The following MRTFA variants were observed in gnomAD, a reference collection of about 807,000 sequenced individuals.
MRTFA encodes myocardin-related transcription factor A.
A neutral mutation model predicts 83.5 loss-of-function variants in MRTFA; 20 were observed. The observed-to-expected ratio is 0.24, with a 90% CI of 0.17 to 0.35. MRTFA has a LOEUF of 0.35. MRTFA is among the 10% of genes least tolerant of loss of function. MRTFA has a pLI of 1.00. For missense variants in MRTFA, 1,200 were observed against 1,224.7 expected, an observed-to-expected ratio of 0.98 and a Z score of 0.30; for synonymous variants, 659 against 541.2, an observed-to-expected ratio of 1.22 and a Z score of -3.02.
chr22:40,562,867 T>C (rs977186188), intron 2 of MRTFA, among the ~76,000 whole-genome samples: 4 of 152,068 alleles, frequency 2.6e-5, no homozygotes, highest in African/African-American at 4.8e-5. Flanking sequence ...TAGGTATCTA[T>C]AGAGTTCTCA....
intron 1 of MRTFA, among the ~76,000 whole-genome samples, chr22:40,609,121 T>G (rs1338705009): frequency 6.6e-6 from 1 of 151,900 alleles, no homozygotes; most frequent in Non-Finnish European, 1.5e-5. Flanking sequence ...TGAAACCCCA[T>G]TTCTACTAAA....
At chr22:40,578,674 C>G (rs1269882274) in intron 2 of MRTFA, among the ~76,000 whole-genome samples, 1 of 152,096 alleles carries the variant, frequency 6.6e-6, no homozygotes, top group African/African-American at 2.4e-5. Context: ...GTAATCCTAA[C>G]ACTTTGGGAG....
At chr22:40,446,000 C>A (rs1188254267) in intron 4 of MRTFA, among the ~76,000 whole-genome samples, 1 of 152,152 alleles carries the variant, frequency 6.6e-6, no homozygotes, top group Non-Finnish European at 1.5e-5. Context: ...AAATTTGCTT[C>A]CTCATGATTA....
intron 2 of MRTFA, among the ~76,000 whole-genome samples, chr22:40,573,970 G>A (rs937197286): frequency 4.6e-5 from 7 of 151,632 alleles, no homozygotes; most frequent in East Asian, 3.9e-4. Context: ...GGCTGGTCTC[G>A]AATTCATGGG....
At position 40,445,211 on chromosome 22, in the gene MRTFA, T is replaced by C. The variant is rs530293815; in HGVS notation, c.308-9657A>G. 7.2e-5 allele frequency among the ~76,000 whole-genome samples: 11 copies of C among 152,262 alleles called. No individual in the cohort carries two copies. The South Asian group carries it at 2.3e-3, about 32-fold the overall frequency. The stretch of plus-strand genomic sequence containing the variant: ...CCTACAGAAACACTGAAAGAACAAA[T>C]AATGAACAGCTTTATAACTCTGACC... On this transcript the variant is annotated intron_variant, in intron 4 of 14. Transcript: ENST00000355630.
chr22:40,605,245 C>T (rs2056306238), intron 1 of MRTFA, among the ~76,000 whole-genome samples: 1 of 152,096 alleles, frequency 6.6e-6, no homozygotes, highest in South Asian at 2.1e-4. Context: ...TATAATCTAA[C>T]AGCACAGGAA....
chr22:40,556,548 A>G (rs950954328), intron 2 of MRTFA, among the ~76,000 whole-genome samples: 2 of 152,208 alleles, frequency 1.3e-5, no homozygotes, highest in Non-Finnish European at 2.9e-5. Flanking sequence ...TGAACTCAGT[A>G]TTAGGAACTC....
At chr22:40,561,310 T>C (rs1787965607) in intron 2 of MRTFA, among the ~76,000 whole-genome samples, 2 of 151,836 alleles carry the variant, frequency 1.3e-5, no homozygotes, top group South Asian at 4.2e-4. Context: ...TACTAGGTAC[T>C]GCCCTACGTC....
At chr22:40,580,867 C>T (rs1602457164) in intron 2 of MRTFA, among the ~76,000 whole-genome samples, 1 of 152,192 alleles carries the variant, frequency 6.6e-6, no homozygotes, top group Admixed American at 6.6e-5. Flanking sequence ...CCCGTCTCAT[C>T]CTTTCATCTC....
chr22:40,506,639 C>G (rs903418645), intron 3 of MRTFA, among the ~76,000 whole-genome samples: 7 of 152,192 alleles, frequency 4.6e-5, no homozygotes, highest in Non-Finnish European at 1.5e-5. Context: ...GAATCTTAGG[C>G]AAATAATAAT....
Position 40,417,433 on chromosome 22 carries a change from G to A in MRTFA, c.2425C>T (p.Pro809Ser). The change falls in exon 13 of 15, where the codon CCA (proline) becomes TCA (serine). Residue 809 changes from proline (P) to serine (S), a missense_variant. This residue lies in a region of MRTFA where 1,107 missense variants were observed against 1,041.8 expected (regional missense o/e 1.06). Coordinates refer to ENST00000355630, the MANE Select transcript of MRTFA (RefSeq NM_020831.6). ...GGGGTCCCAAAGAGGGGCTGCAGTG[G>A]GTGCTCCAGGTCCATCTGGGCAGAG... The A allele has an allele frequency of 6.2e-7, 1 of 1,607,280 alleles. No individual in the cohort carries two copies. Among genetic ancestry groups the A allele is most frequent in the Non-Finnish European group, 8.5e-7 (1 of 1,177,862 alleles).
At chr22:40,417,549 G>C in intron 12 of MRTFA, 56 bp from the exon 13 acceptor site, 1 of 316,500 alleles carries the variant, frequency 3.2e-6, no homozygotes, top group Non-Finnish European at 5.9e-6. Context: ...GTGCAGACCT[G>C]CCTTGTAGGG....
chr22:40,418,991 G>A lies in MRTFA; in HGVS notation c.1747C>T (p.Pro583Ser), dbSNP rs2052760890. ...GCCTGCAGGGTCAGCTGCGTCAGAG[G>A]TGATGTCACCATCTCACCAAAGGTG... Residue 583 changes from proline to serine, a missense_variant, in exon 12 of 15, where the codon CCT becomes TCT. This residue lies in a region of MRTFA where 1,107 missense variants were observed against 1,041.8 expected (regional missense o/e 1.06). Coordinates refer to ENST00000355630, the MANE Select transcript of MRTFA (RefSeq NM_020831.6). 1 of 1,612,892 alleles carries A rather than the reference G, an allele frequency of 6.2e-7. No individual in the cohort carries two copies. Among genetic ancestry groups the A allele is most frequent in the Non-Finnish European group, 8.5e-7 (1 of 1,179,932 alleles).
rs191804354 is a variant in MRTFA, at chr22:40,485,028, C to A, written c.242-21742G>T. 8.8e-4 allele frequency among the ~76,000 whole-genome samples: 133 copies of A among 151,024 alleles called. 1 individual carries two copies. The Middle Eastern group carries it at 0.021, about 23-fold the overall frequency. ...AGGAGGTTGCAGTGAGAGGAGATTG[C>A]GCCACTGCACTCCAGCCTGGCAACA... On this transcript the variant is annotated intron_variant, in intron 3 of 14. Transcript: ENST00000355630.
At chr22:40,413,739 A>G (rs984080143) in intron 14 of MRTFA, among the ~76,000 whole-genome samples, 3 of 152,200 alleles carry the variant, frequency 2.0e-5, no homozygotes, top group Non-Finnish European at 4.4e-5. Flanking sequence ...TACCACGCCC[A>G]GCCGATTTAT....
At chr22:40,500,404 TA>T (rs1044512597) in intron 3 of MRTFA, among the ~76,000 whole-genome samples, 4 of 149,830 alleles carry the variant, frequency 2.7e-5, no homozygotes, top group Non-Finnish European at 3.0e-5. Flanking sequence ...TTTTTTAATT[TA>T]TTTTTTTATT....
At chr22:40,448,537 G>A (rs1317112842) in intron 4 of MRTFA, among the ~76,000 whole-genome samples, 2 of 152,206 alleles carry the variant, frequency 1.3e-5, no homozygotes, top group Admixed American at 1.3e-4. Context: ...ACAGACAACA[G>A]TGATTTTAAT....
chr22:40,481,710 G>A (rs1159479533), intron 3 of MRTFA, among the ~76,000 whole-genome samples: 1 of 152,084 alleles, frequency 6.6e-6, no homozygotes, highest in Non-Finnish European at 1.5e-5. Context: ...ATAAGAAATT[G>A]CAAGTGCAAA....
intron 3 of MRTFA, among the ~76,000 whole-genome samples, chr22:40,475,831 G>GAT (rs2053985661): frequency 6.6e-6 from 1 of 152,214 alleles, no homozygotes; most frequent in Non-Finnish European, 1.5e-5. Flanking sequence ...TTCTATGCAA[G>GAT]ATAGCACTAG....
Sources: gnomAD v4.1 joint callset for allele counts (sites outside exome capture counted in the v4.1 genomes callset) on GRCh38, gnomAD v4.1.1 for gene constraint, gnomAD v4.1.1 regional missense constraint, MANE v1.5 for transcripts, NCBI Gene and HGNC (gene_info 2026-07-23, HGNC 2026-07-21) for gene names.